NADSYN1: variants seen among roughly 807,000 people sequenced by gnomAD.
The protein encoded by NADSYN1 is NAD synthetase 1, also known as glutamine-dependent NAD(+) synthetase.
NADSYN1 carries 80 observed loss-of-function variants against 99.3 expected under a neutral mutation model. The observed-to-expected ratio is 0.81, with a 90% CI of 0.67 to 0.97. NADSYN1 has a LOEUF of 0.97. NADSYN1 is among the 50% of genes least tolerant of loss of function. The probability of loss-of-function intolerance (pLI) is 0.00; values close to 1 mark genes in which losing one functional copy is unlikely to be tolerated. For synonymous variants in NADSYN1, 385 were observed against 372.1 expected, an observed-to-expected ratio of 1.03 and a Z score of -0.40; for missense variants, 859 against 948.5, an observed-to-expected ratio of 0.91 and a Z score of 1.24.
At position 71,478,477 on chromosome 11, in the gene NADSYN1, C is replaced by T; in HGVS notation, c.873+8C>T. ...TCATCTCGAAACCTGGCGGTGAGTG[C>T]TCCAGTAGACACCTGTGTGGGATGC... On this transcript the variant is annotated splice_region_variant and intron_variant, in intron 10 of 20. Transcript: ENST00000319023. 6.3e-7 allele frequency: 1 copy of T among 1,594,088 alleles called. No individual in the cohort carries two copies. The highest frequency in any genetic ancestry group is 1.1e-5 in the South Asian group (1 of 87,836).
At position 71,473,293 on chromosome 11, in the gene NADSYN1, G is replaced by A. The variant is rs140954879; in HGVS notation, c.475G>A (p.Gly159Arg). The A allele has an allele frequency of 6.2e-6, 10 of 1,614,064 alleles. No individual in the cohort carries two copies. Among genetic ancestry groups the A allele is most frequent in the African/African-American group, 2.7e-5 (2 of 74,948 alleles). ...DLTKQETVPF[G>R]DAVLVTWDTC... ...CCGACTGCAGGAAACCGTACCCTTCGGAGATGCGGTGCTGGTGACATGGGA... is the reference window on the plus strand; with the variant it reads ...CCGACTGCAGGAAACCGTACCCTTCAGAGATGCGGTGCTGGTGACATGGGA... Residue 159 changes from glycine (G) to arginine (R), a missense_variant, in exon 7 of 21, where the codon GGA (glycine) becomes AGA (arginine). Gly to Arg is a moderately radical substitution (Grantham distance 125). Coordinates refer to ENST00000319023, the MANE Select transcript of NADSYN1 (RefSeq NM_018161.5).
intron 15 of NADSYN1, 103 bp downstream of exon 15, chr11:71,484,550 A>T (rs1193323000): frequency 1.8e-5 from 26 of 1,449,020 alleles, no homozygotes; most frequent in Non-Finnish European, 2.2e-5. Flanking sequence ...CATCGTCTCC[A>T]TGAAGCTCAT....
At chr11:71,476,378 A>G (rs1284624629) in intron 9 of NADSYN1, 5 of 345,590 alleles carry the variant, frequency 1.4e-5, no homozygotes, top group Admixed American at 1.2e-4. Flanking sequence ...AGGCTGTCTG[A>G]GCAGTTCATT....
rs752010228 is a variant in NADSYN1, at chr11:71,453,374, T to A, written c.78T>A (p.Ile26=). Residue 26 remains isoleucine (I), a synonymous_variant, in exon 1 of 21, where the codon ATT becomes ATA. Transcript: ENST00000319023. ...ALDFEGNLQR[I]LKSIEIAKNR... is the part of the protein sequence containing the mutation. ...ACTTCGAGGGCAATTTGCAAAGAAT[T>A]TTAAAGAGTGAGTCTGGGGCGGCGG... The A allele has an allele frequency of 5.0e-6, 8 of 1,613,574 alleles. No homozygotes were observed. The highest frequency in any genetic ancestry group is 5.1e-6 in the Non-Finnish European group (6 of 1,179,662).
chr11:71,479,310 G>A (rs1949689705), intron 10 of NADSYN1: 1 of 151,002 alleles, frequency 6.6e-6, no homozygotes. Context: ...TGCCTAGGAT[G>A]GTCTTGAACT....
intron 20 of NADSYN1, chr11:71,500,053 A>T (rs2120533956): frequency 6.6e-6 from 1 of 152,342 alleles, no homozygotes; most frequent in South Asian, 2.1e-4. Flanking sequence ...AATTTAAATT[A>T]AAAAAATTAA....
chr11:71,478,608 G>T (rs1949685310), intron 10 of NADSYN1, 139 bp downstream of exon 10: 1 of 747,740 alleles, frequency 1.3e-6, no homozygotes, highest in African/African-American at 1.7e-5. Context: ...TCCCGAGCGT[G>T]GAAAGGGGCT....
At chr11:71,477,325 C>T (rs1392992459) in intron 9 of NADSYN1, 33 of 1,288,468 alleles carry the variant, frequency 2.6e-5, no homozygotes, top group East Asian at 1.7e-4. Context: ...TCACACGGAC[C>T]GTGGCTTTCT....
rs1250216866 is a variant in NADSYN1 at position 71,488,576 on chromosome 11, T to A, written c.1563-2269T>A. ...GTGTGAGACGTCAGAGACAGCTGTT[T>A]CCAGAAATTTCACTTTGAAGGGGAG... On this transcript the variant is annotated intron_variant, in intron 16 of 20. Transcript: ENST00000319023. Among the ~76,000 whole-genome samples, 4 of 152,040 alleles carry A rather than the reference T, an allele frequency of 2.6e-5. No individual in the cohort carries two copies. In the East Asian group the frequency reaches 7.7e-4, roughly 29 times the overall value.
At chr11:71,495,374 G>A (rs933785566) in intron 18 of NADSYN1, among the ~76,000 whole-genome samples, 2 of 152,192 alleles carry the variant, frequency 1.3e-5, no homozygotes, top group African/African-American at 2.4e-5. Context: ...CCAATGTGGT[G>A]AGAAAGCAAC....
intron 16 of NADSYN1, among the ~76,000 whole-genome samples, chr11:71,486,950 C>T (rs747170501): frequency 1.5e-4 from 23 of 151,856 alleles, no homozygotes; most frequent in Admixed American, 7.2e-4. Flanking sequence ...GGACTACAGG[C>T]GCCCATCACC....
intron 20 of NADSYN1, chr11:71,498,945 A>C: frequency 6.4e-6 from 1 of 156,338 alleles, no homozygotes; most frequent in Non-Finnish European, 1.4e-5. Flanking sequence ...TTGACCAACA[A>C]TCTCCCCACC....
chr11:71,498,299 T>G (rs1949833947), intron 19 of NADSYN1, 53 bp from the exon 20 acceptor site: 2 of 1,599,752 alleles, frequency 1.3e-6, no homozygotes, highest in Admixed American at 3.4e-5. Flanking sequence ...AATTCCGGCC[T>G]GGGGTCTCTC....
chr11:71,463,944 C>A, intron 4 of NADSYN1, 109 bp from the exon 5 acceptor site: 1 of 925,278 alleles, frequency 1.1e-6, no homozygotes, highest in Non-Finnish European at 1.6e-6. Flanking sequence ...GCCCCATTCT[C>A]AAGCTGACTC....
Position 71,497,435 on chromosome 11 carries a change from C to T in NADSYN1, c.1765-48C>T, listed in dbSNP as rs750340035. Reference sequence around the variant, plus strand: ...TCCAAAAGAAGCTTTAGGCTCTCCCCCCGCTGTGACTTGCTGTCATCATGG... The same window carrying T: ...TCCAAAAGAAGCTTTAGGCTCTCCCTCCGCTGTGACTTGCTGTCATCATGG... On this transcript the variant is annotated intron_variant, in intron 18 of 20. Coordinates refer to ENST00000319023, the MANE Select transcript of NADSYN1 (RefSeq NM_018161.5). 3.7e-6 allele frequency: 6 copies of T among 1,612,292 alleles called. No individual in the cohort carries two copies. The East Asian group carries it at 1.1e-4, about 30-fold the overall frequency.
chr11:71,480,817 C>T lies in NADSYN1; in HGVS notation c.936C>T (p.Asp312=). The T allele has an allele frequency of 6.2e-7, 1 of 1,614,216 alleles. No homozygotes were observed. The highest frequency in any genetic ancestry group is 1.1e-5 in the South Asian group (1 of 91,090). Residue 312 remains aspartate, a synonymous_variant, in exon 11 of 21, where the codon GAC becomes GAT. Transcript: ENST00000319023. ...KVDFALSCHE[D]LLAPISEPIE... ...ACTTTGCCCTCTCGTGCCACGAGGA[C>T]TTGCTGGCACCCATCTCTGAGCCCA...
At chr11:71,499,509 G>A (rs1046154660) in intron 20 of NADSYN1, 7 of 152,282 alleles carry the variant, frequency 4.6e-5, no homozygotes, top group South Asian at 2.1e-4. Context: ...AATCACTGTC[G>A]TTTCTAAGTA....
chr11:71,455,171 G>A lies in NADSYN1; in HGVS notation c.146+1G>A. On this transcript the variant is annotated splice_donor_variant, in intron 2 of 20. Coordinates refer to ENST00000319023, the MANE Select transcript of NADSYN1 (RefSeq NM_018161.5). LOFTEE classifies it high-confidence loss of function. ...GGCTTGGACCAGAGCTGGAAATATG[G>A]TGAGAACAGACACAGACACCCTGGG... The A allele has an allele frequency of 5.6e-6, 9 of 1,613,444 alleles. No individual in the cohort carries two copies. The highest frequency in any genetic ancestry group is 7.6e-6 in the Non-Finnish European group (9 of 1,179,658).
intron 9 of NADSYN1, chr11:71,476,396 T>C: frequency 3.1e-6 from 1 of 325,756 alleles, no homozygotes; most frequent in Non-Finnish European, 6.0e-6. Context: ...ATTGCTTTGC[T>C]CCCGCTGCGT....
Sources: allele counts gnomAD v4.1 joint callset (sites outside exome capture counted in the v4.1 genomes callset), GRCh38; gene constraint gnomAD v4.1.1; transcripts MANE v1.5; gene names NCBI Gene and HGNC (gene_info 2026-07-23, HGNC 2026-07-21).